The following FGFR1 variants were observed in gnomAD, a reference collection of about 807,000 sequenced individuals.
FGFR1 encodes the protein FGFR1/PLAG1 fusion.
FGFR1 carries 18 observed loss-of-function variants against 93.7 expected under a neutral mutation model. The ratio of observed to expected loss-of-function variants is 0.19; its 90% CI spans 0.13 to 0.28. The LOEUF (loss-of-function observed/expected upper bound fraction) is 0.28, where lower values mean the gene tolerates loss of function less well. Among genes scored for constraint, FGFR1 ranks in the 10% least tolerant of loss-of-function variants. The pLI is 1.00. For synonymous variants in FGFR1, 448 were observed against 429.3 expected, an observed-to-expected ratio of 1.04 and a Z score of -0.54; for missense variants, 731 against 1,080.4, an observed-to-expected ratio of 0.68 and a Z score of 4.53.
intron 2 of FGFR1, among the ~76,000 whole-genome samples, chr8:38,444,250 G>A (rs1406272939): frequency 1.3e-5 from 2 of 152,024 alleles, no homozygotes; most frequent in Admixed American, 6.6e-5. Context: ...AGGAGAGCTT[G>A]GACCCAGAGA....
chr8:38,412,977 A>G lies in FGFR1; in HGVS notation c.*651T>C, dbSNP rs1343127897. On this transcript the variant is annotated 3_prime_UTR_variant, in exon 18 of 18. Coordinates refer to ENST00000447712, the MANE Select transcript of FGFR1 (RefSeq NM_023110.3). Reference sequence around the variant, plus strand: ...CATGTAAATATATACTCAGATTTATACACTTTGTGTTTTCTTCATAGCTAT... The same window carrying G: ...CATGTAAATATATACTCAGATTTATGCACTTTGTGTTTTCTTCATAGCTAT... 4.3e-6 allele frequency: 1 copy of G among 233,632 alleles called. No homozygotes were observed. The highest frequency in any genetic ancestry group is 2.2e-5 in the African/African-American group (1 of 45,344). The allele number at this position is 233,632 out of a possible 1,614,324, so 14.5% of individuals were successfully genotyped here. A position where few individuals can be genotyped will look rare whatever the true frequency, so the allele number is the denominator to read the frequency against.
chr8:38,464,622 T>C (rs929116851), intron 1 of FGFR1, among the ~76,000 whole-genome samples: 4 of 152,198 alleles, frequency 2.6e-5, no homozygotes, highest in African/African-American at 7.2e-5. Context: ...GAATCTTCTC[T>C]AAAGCTCTGC....
intron 2 of FGFR1, among the ~76,000 whole-genome samples, chr8:38,432,091 G>A (rs1823360387): frequency 6.6e-6 from 1 of 152,140 alleles, no homozygotes; most frequent in Non-Finnish European, 1.5e-5. Flanking sequence ...GCCTATTGCA[G>A]CCGATCCCAG....
intron 2 of FGFR1, among the ~76,000 whole-genome samples, chr8:38,441,333 C>A (rs1045644761): frequency 1.3e-5 from 2 of 152,146 alleles, no homozygotes; most frequent in South Asian, 4.1e-4. Flanking sequence ...GCACCAGTGT[C>A]CCCCACCTCC....
chr8:38,440,254 CAG>C, intron 2 of FGFR1: 2 of 1,527,654 alleles, frequency 1.3e-6, no homozygotes, highest in African/African-American at 1.4e-5. Flanking sequence ...GGGCCCTCTG[CAG>C]AGGTTTTTTT....
At chr8:38,431,320 C>G (rs1349817499) in intron 2 of FGFR1, among the ~76,000 whole-genome samples, 1 of 152,204 alleles carries the variant, frequency 6.6e-6, no homozygotes, top group African/African-American at 2.4e-5. Flanking sequence ...GTGCCCTCCC[C>G]CTCCTGGCAC....
intron 1 of FGFR1, among the ~76,000 whole-genome samples, chr8:38,459,775 T>G (rs2151398087): frequency 6.6e-6 from 1 of 152,242 alleles, no homozygotes; most frequent in Middle Eastern, 3.4e-3. Flanking sequence ...AAGGGATTGA[T>G]CAAGCCTGAC....
chr8:38,446,646 CTA>C (rs1829391859), intron 2 of FGFR1, among the ~76,000 whole-genome samples: 2 of 152,142 alleles, frequency 1.3e-5, no homozygotes, highest in African/African-American at 4.8e-5. Context: ...TGAGCTCACT[CTA>C]TCTGCCCACC....
At chr8:38,417,261 TCTTCTCCCCGCTGGGC>T in intron 12 of FGFR1, 29 bp downstream of exon 12, 1 of 1,478,922 alleles carries the variant, frequency 6.8e-7, no homozygotes, top group Non-Finnish European at 9.4e-7. Context: ...CCAGCTCAGA[TCTTCTCCCCGCTGGGC>T]AGGGAAAGCC....
intron 1 of FGFR1, among the ~76,000 whole-genome samples, chr8:38,460,137 T>G (rs1834025680): frequency 6.6e-6 from 1 of 152,130 alleles, no homozygotes; most frequent in African/African-American, 2.4e-5. Flanking sequence ...GAGCCGAGAT[T>G]GCATCACTGC....
At chr8:38,421,751 C>G (rs929314556) in intron 8 of FGFR1, 46 bp downstream of exon 8, 1 of 1,606,956 alleles carries the variant, frequency 6.2e-7, no homozygotes, top group African/African-American at 1.3e-5. Flanking sequence ...TCCCCCCGTG[C>G]CCGTGGCGAG....
At position 38,417,524 on chromosome 8, in the gene FGFR1, T is replaced by G; in HGVS notation, c.1553-108A>C. The G allele has an allele frequency of 4.3e-6, 4 of 940,796 alleles. No individual in the cohort carries two copies. In the South Asian group the frequency reaches 5.4e-5, roughly 13 times the overall value. The allele number at this position is 940,796 out of a possible 1,614,324, so 58.3% of individuals were successfully genotyped here. On this transcript the variant is annotated intron_variant, in intron 11 of 17. Transcript: ENST00000447712. ...GGGCTGCTTTTCCCTGGGACTTGATTCTCTCCTCCCCACTTCATCCAAACT... is the reference window on the plus strand; with the variant it reads ...GGGCTGCTTTTCCCTGGGACTTGATGCTCTCCTCCCCACTTCATCCAAACT...
chr8:38,448,535 AAT>A (rs1365934970), intron 2 of FGFR1, among the ~76,000 whole-genome samples: 2 of 152,192 alleles, frequency 1.3e-5, no homozygotes, highest in African/African-American at 4.8e-5. Context: ...CCTAAACACT[AAT>A]GTTTTTAAAA....
chr8:38,423,170 C>T (rs1028797310), intron 7 of FGFR1: 6 of 779,208 alleles, frequency 7.7e-6, no homozygotes, highest in East Asian at 4.8e-5. Context: ...TATTAATCCC[C>T]GAATGCTGGA....
At chr8:38,415,302 ATTTTC>A (rs1445362036) in intron 13 of FGFR1, among the ~76,000 whole-genome samples, 3 of 151,442 alleles carry the variant, frequency 2.0e-5, no homozygotes, top group Non-Finnish European at 2.9e-5. Context: ...GTTATACTTT[ATTTTC>A]TTTTGAGACA....
chr8:38,465,155 C>G (rs2151472850), intron 1 of FGFR1, among the ~76,000 whole-genome samples: 1 of 152,314 alleles, frequency 6.6e-6, no homozygotes, highest in East Asian at 1.9e-4. Context: ...GGACGCTTCT[C>G]CATTTCTTCC....
At chr8:38,436,904 C>T (rs1037112503) in intron 2 of FGFR1, among the ~76,000 whole-genome samples, 8 of 152,178 alleles carry the variant, frequency 5.3e-5, no homozygotes, top group African/African-American at 1.7e-4. Flanking sequence ...TCTAGCAGGA[C>T]TGGACAAAAA....
rs896498971 is a variant in FGFR1, at chr8:38,424,534, T to G, written c.911A>C (p.Asn304Thr). The G allele has an allele frequency of 1.2e-6, 2 of 1,614,090 alleles. No individual in the cohort carries two copies. Among genetic ancestry groups the G allele is most frequent in the Non-Finnish European group, 1.7e-6 (2 of 1,180,028 alleles). Residue 304 changes from asparagine (N) to threonine (T), a missense_variant, in exon 7 of 18, where the codon AAC (asparagine) becomes ACC (threonine). This residue lies in a region of FGFR1 where 109 missense variants were observed against 249.4 expected (regional missense o/e 0.44). Transcript: ENST00000447712. This position sits in a 1 kb window ranked among gnomAD's most constrained non-coding sequence, Gnocchi z 4.3. ...EVNGSKIGPD[N>T]LPYVQILKTA... ...CTTCAAGATCTGGACATAAGGCAGGTTGTCTGGGCCAATCTTGCTCCCATT... is the reference window on the plus strand; with the variant it reads ...CTTCAAGATCTGGACATAAGGCAGGGTGTCTGGGCCAATCTTGCTCCCATT...
At chr8:38,436,658 T>C (rs1000101584) in intron 2 of FGFR1, among the ~76,000 whole-genome samples, 1 of 151,978 alleles carries the variant, frequency 6.6e-6, no homozygotes, top group Non-Finnish European at 1.5e-5. Context: ...AAGGTGTCTC[T>C]ATCCCCTAAG....
Sources: allele counts gnomAD v4.1 joint callset (sites outside exome capture counted in the v4.1 genomes callset), GRCh38; gene constraint gnomAD v4.1.1; regional missense constraint gnomAD v4.1.1; non-coding constraint Gnocchi (gnomAD v3.1); transcripts MANE v1.5; gene names NCBI Gene and HGNC (gene_info 2026-07-23, HGNC 2026-07-21).